The following COBL variants were observed in gnomAD, a reference collection of about 807,000 sequenced individuals.
COBL encodes protein cordon-bleu.
A neutral mutation model predicts 98.8 loss-of-function variants in COBL; 51 were observed. The observed-to-expected ratio is 0.52, with a 90% CI of 0.41 to 0.65. The LOEUF (loss-of-function observed/expected upper bound fraction) is 0.65. Ranked by LOEUF, COBL falls within the 30% of genes least tolerant of loss-of-function variation. The pLI is 0.00. For missense variants in COBL, 1,617 were observed against 1,617.5 expected (o/e 1.00, Z 0.01); for synonymous variants, 634 against 651.7 (o/e 0.97, Z 0.41).
At chr7:51,269,358 A>T (rs1798539751) in intron 1 of COBL, among the ~76,000 whole-genome samples, 1 of 152,152 alleles carries the variant, frequency 6.6e-6, no homozygotes, top group Non-Finnish European at 1.5e-5. Flanking sequence ...CCTAAGTCAC[A>T]TCATGCATCA....
intron 1 of COBL, among the ~76,000 whole-genome samples, chr7:51,235,516 T>C (rs1795174721): frequency 6.6e-6 from 1 of 152,122 alleles, no homozygotes; most frequent in Non-Finnish European, 1.5e-5. Flanking sequence ...TTGCAGAACT[T>C]TTATATCCAG....
intron 1 of COBL, among the ~76,000 whole-genome samples, chr7:51,281,237 C>T (rs1010136167): frequency 6.6e-6 from 1 of 152,148 alleles, no homozygotes; most frequent in Non-Finnish European, 1.5e-5. Context: ...CAACAGAAAT[C>T]ATCTAATCTG....
intron 1 of COBL, among the ~76,000 whole-genome samples, chr7:51,303,003 C>G (rs78826880): frequency 0.027 from 4,115 of 152,236 alleles, 183 homozygotes; most frequent in African/African-American, 0.094. Flanking sequence ...AACAATACCC[C>G]ACTCACAGGG....
chr7:51,273,041 C>T lies in COBL; in HGVS notation c.41+43552G>A, dbSNP rs1584371888. Reference sequence around the variant, plus strand: ...CAAATAATAGGGCATTGAAAAGTTACCTCAAAGCCAGGCGCAGTGGCTCAT... The same window carrying T: ...CAAATAATAGGGCATTGAAAAGTTATCTCAAAGCCAGGCGCAGTGGCTCAT... On this transcript the variant is annotated intron_variant, in intron 1 of 12. Coordinates refer to ENST00000265136, the MANE Select transcript of COBL (RefSeq NM_015198.5). 2.6e-5 allele frequency among the ~76,000 whole-genome samples: 4 copies of T among 152,218 alleles called. No individual in the cohort carries two copies. The South Asian group carries it at 8.3e-4, about 32-fold the overall frequency.
chr7:51,257,767 G>A (rs6978058), intron 1 of COBL, among the ~76,000 whole-genome samples: 9,217 of 151,918 alleles, frequency 0.061, 915 homozygotes, highest in African/African-American at 0.21. Context: ...GAAAGAATTT[G>A]TACACTAGAG....
At position 51,052,492 on chromosome 7, in the gene COBL, C is replaced by A. The variant is rs1032046613; in HGVS notation, c.1097-8800G>T. ...CAAAAACCTTCAGTCCTTTTTTACACATTTCTGGGGCCTCACCTTTGAGGG... is the reference window on the plus strand; with the variant it reads ...CAAAAACCTTCAGTCCTTTTTTACAAATTTCTGGGGCCTCACCTTTGAGGG... On this transcript the variant is annotated intron_variant, in intron 7 of 12. Transcript: ENST00000265136. Among the ~76,000 whole-genome samples, 15 of 152,172 alleles carry A rather than the reference C, an allele frequency of 9.9e-5. 1 individual carries two copies. The highest frequency in any genetic ancestry group is 3.6e-4 in the African/African-American group (15 of 41,440).
intron 5 of COBL, among the ~76,000 whole-genome samples, chr7:51,157,096 C>G (rs1283761375): frequency 6.6e-6 from 1 of 152,212 alleles, no homozygotes; most frequent in Non-Finnish European, 1.5e-5. Context: ...GCTAGCCAGA[C>G]ACGGTGGCTC....
At chr7:51,220,797 C>T (rs1224358552) in intron 1 of COBL, among the ~76,000 whole-genome samples, 6 of 152,262 alleles carry the variant, frequency 3.9e-5, no homozygotes, top group East Asian at 3.9e-4. Flanking sequence ...TCCCACCTTC[C>T]GCCCTCAAGT....
At chr7:51,256,153 A>G (rs974875664) in intron 1 of COBL, among the ~76,000 whole-genome samples, 4 of 152,168 alleles carry the variant, frequency 2.6e-5, no homozygotes, top group Admixed American at 2.0e-4. Context: ...CAAAGGCAGG[A>G]GTGTTTCCAG....
At chr7:51,184,788 G>T (rs1789333378) in intron 4 of COBL, among the ~76,000 whole-genome samples, 1 of 152,204 alleles carries the variant, frequency 6.6e-6, no homozygotes, top group Non-Finnish European at 1.5e-5. Flanking sequence ...ACAGCTCTAA[G>T]ACTGCGACAT....
chr7:51,052,108 C>T (rs982666126), intron 7 of COBL, among the ~76,000 whole-genome samples: 1 of 152,122 alleles, frequency 6.6e-6, no homozygotes, highest in Non-Finnish European at 1.5e-5. Flanking sequence ...ATAATATTTA[C>T]CTACCTCCTT....
In COBL at chr7:51,017,403, G is replaced by T; in HGVS notation, c.*148C>A. On this transcript the variant is annotated 3_prime_UTR_variant, in exon 13 of 13. Coordinates refer to ENST00000265136, the MANE Select transcript of COBL (RefSeq NM_015198.5). ...TCCTTTCCTTTCAAGCCGTTATACAGGAACACACCGAAAATCAACTGTGCG... is the reference window on the plus strand; with the variant it reads ...TCCTTTCCTTTCAAGCCGTTATACATGAACACACCGAAAATCAACTGTGCG... 1.3e-6 allele frequency: 1 copy of T among 758,766 alleles called. No homozygotes were observed. The highest frequency in any genetic ancestry group is 2.3e-6 in the Non-Finnish European group (1 of 434,006). The allele number at this position is 758,766 out of a possible 1,614,324, so 47.0% of individuals were successfully genotyped here. A position where few individuals can be genotyped will look rare whatever the true frequency, so the allele number is the denominator to read the frequency against.
chr7:51,073,950 CTT>C (rs1792808796), intron 7 of COBL, among the ~76,000 whole-genome samples: 2 of 152,118 alleles, frequency 1.3e-5, no homozygotes. Context: ...GCAAACTCCT[CTT>C]GAGTGCTGCT....
intron 1 of COBL, among the ~76,000 whole-genome samples, chr7:51,274,316 C>G (rs973940126): frequency 1.3e-5 from 2 of 152,182 alleles, no homozygotes; most frequent in Admixed American, 1.3e-4. Context: ...TGTCCTTTGT[C>G]CTCCAGTGCT....
intron 6 of COBL, among the ~76,000 whole-genome samples, chr7:51,095,607 A>G (rs182197372): frequency 3.9e-5 from 6 of 152,172 alleles, no homozygotes; most frequent in Admixed American, 3.3e-4. Context: ...GGCTGAATGG[A>G]TTAAAAAACA....
intron 6 of COBL, among the ~76,000 whole-genome samples, chr7:51,114,966 G>A (rs1292738101): frequency 6.6e-6 from 1 of 152,152 alleles, no homozygotes; most frequent in Non-Finnish European, 1.5e-5. Context: ...AATATTCACT[G>A]CAATTACCAT....
In COBL at chr7:51,085,135, G is replaced by A. The variant is rs779966942; in HGVS notation, c.1096+31C>T. Reference sequence around the variant, plus strand: ...ATTCCAGGACAGAGCAAGCATCCCCGCATGCAGACGGCAGGCCGAGCCTCA... The same window carrying A: ...ATTCCAGGACAGAGCAAGCATCCCCACATGCAGACGGCAGGCCGAGCCTCA... On this transcript the variant is annotated intron_variant, in intron 7 of 12. Coordinates refer to ENST00000265136, the MANE Select transcript of COBL (RefSeq NM_015198.5). 3.3e-5 allele frequency: 54 copies of A among 1,612,880 alleles called. No individual in the cohort carries two copies. Among genetic ancestry groups the A allele is most frequent in the East Asian group, 4.5e-5 (2 of 44,866 alleles).
intron 6 of COBL, among the ~76,000 whole-genome samples, chr7:51,097,300 A>G (rs1032549084): frequency 2.1e-4 from 32 of 152,208 alleles, no homozygotes; most frequent in African/African-American, 7.7e-4. Context: ...GAAATTACCT[A>G]AACTTAACAA....
chr7:51,158,842 C>G (rs1463527581), intron 5 of COBL, among the ~76,000 whole-genome samples: 1 of 151,546 alleles, frequency 6.6e-6, no homozygotes, highest in East Asian at 2.0e-4. Context: ...GGGCGGGGGA[C>G]AGGGAAAGCG....
Sources: allele counts gnomAD v4.1 joint callset (sites outside exome capture counted in the v4.1 genomes callset), GRCh38; gene constraint gnomAD v4.1.1; transcripts MANE v1.5; gene names NCBI Gene and HGNC (gene_info 2026-07-23, HGNC 2026-07-21).